The following ABCB5 variants were observed in gnomAD, a reference collection of about 807,000 sequenced individuals.
The protein encoded by ABCB5 is ATP binding cassette subfamily B member 5.
In ABCB5, 155 loss-of-function variants were observed where a neutral mutation model predicts 144.2. The ratio of observed to expected loss-of-function variants is 1.08; its 90% confidence interval spans 0.94 to 1.23. The LOEUF (loss-of-function observed/expected upper bound fraction) is 1.23. ABCB5 is among the 50% of genes most tolerant of loss of function. The pLI, the probability that ABCB5 is intolerant of heterozygous loss-of-function variation, is 0.00. For synonymous variants in ABCB5, 610 were observed against 528.6 expected (o/e 1.15, Z -2.11); for missense variants, 1,830 against 1,520.8 (o/e 1.20, Z -3.38).
chr7:20,636,580 T>C (rs1330629745), intron 5 of ABCB5, among the ~76,000 whole-genome samples: 1 of 151,922 alleles, frequency 6.6e-6, no homozygotes, highest in Non-Finnish European at 1.5e-5. Context: ...AGGTCAGGAA[T>C]TCAAGACCAT....
At chr7:20,682,137 G>A (rs959533497) in intron 15 of ABCB5, among the ~76,000 whole-genome samples, 2 of 151,996 alleles carry the variant, frequency 1.3e-5, no homozygotes, top group Admixed American at 6.6e-5. Context: ...CTAGGGAGTC[G>A]GAGGTTGCAG....
intron 24 of ABCB5, 120 bp downstream of exon 24, chr7:20,739,259 C>T (rs1782488019): frequency 9.9e-7 from 1 of 1,007,118 alleles, no homozygotes; most frequent in South Asian, 2.2e-5. Flanking sequence ...GGGTGCTATA[C>T]TCAGTACCTG....
At chr7:20,628,575 T>C in intron 3 of ABCB5, 113 bp from the exon 4 acceptor site, 2 of 1,051,282 alleles carry the variant, frequency 1.9e-6, no homozygotes, top group Non-Finnish European at 2.7e-6. Flanking sequence ...TCTTAATGTA[T>C]AAAGTCATGT....
In ABCB5 at chr7:20,668,501, A is replaced by G. The variant is rs1785304653; in HGVS notation, c.1707+9825A>G. ...CTCTGCCTGGCAACCGCCCCGTCTG[A>G]GAAGTGAGGAGCCCCTCCGTCCGGC... On this transcript the variant is annotated intron_variant, in intron 14 of 27. Transcript: ENST00000404938. Among the ~76,000 whole-genome samples the G allele has an allele frequency of 2.0e-5, 3 of 150,500 alleles. No homozygotes were observed. The South Asian group carries it at 6.4e-4, about 32-fold the overall frequency.
intron 15 of ABCB5, among the ~76,000 whole-genome samples, chr7:20,684,692 T>C (rs759494261): frequency 9.9e-5 from 15 of 152,216 alleles, no homozygotes; most frequent in South Asian, 6.2e-4. Context: ...GAGAAAATGA[T>C]AGCAAAAAGG....
intron 13 of ABCB5, among the ~76,000 whole-genome samples, chr7:20,654,992 C>T (rs1784725766): frequency 6.7e-6 from 1 of 148,824 alleles, no homozygotes; most frequent in South Asian, 2.1e-4. Flanking sequence ...ATCAGTAAAA[C>T]CAAAAACTGA....
chr7:20,691,537 A>C (rs1176166989), intron 16 of ABCB5, among the ~76,000 whole-genome samples: 1 of 151,746 alleles, frequency 6.6e-6, no homozygotes, highest in Non-Finnish European at 1.5e-5. Flanking sequence ...AGGGCCAGGA[A>C]AAGTTCTTAT....
At chr7:20,651,802 A>G in intron 13 of ABCB5, 179 bp downstream of exon 13, 1 of 598,076 alleles carries the variant, frequency 1.7e-6, no homozygotes, top group Non-Finnish European at 2.9e-6. Context: ...GGTCCAACAC[A>G]AATTTGTAAA....
At position 20,658,694 on chromosome 7, in the gene ABCB5, T is replaced by C. The variant is rs555229982; in HGVS notation, c.1707+18T>C. 25 of 1,611,746 alleles carry C rather than the reference T, an allele frequency of 1.6e-5. No homozygotes were observed. In the East Asian group the frequency reaches 4.7e-4, roughly 30 times the overall value. ...TGGAGAAGGTAAGTGAGCAGAAACG[T>C]TTCTTATTTCCATACTCCTGGTTCA... On this transcript the variant is annotated intron_variant, in intron 14 of 27. Transcript: ENST00000404938.
intron 16 of ABCB5, among the ~76,000 whole-genome samples, chr7:20,688,361 T>C (rs1371860294): frequency 6.6e-6 from 1 of 152,150 alleles, no homozygotes; most frequent in Non-Finnish European, 1.5e-5. Context: ...TTTAGTATAA[T>C]GAATCATTAA....
chr7:20,648,169 T>A (rs373172588), intron 11 of ABCB5, 91 bp downstream of exon 11: 18 of 806,772 alleles, frequency 2.2e-5, no homozygotes, highest in East Asian at 1.9e-4. Flanking sequence ...TTAGGATCAC[T>A]TTTTTCCAAG....
chr7:20,642,902 T>G (rs1345054106), intron 5 of ABCB5, among the ~76,000 whole-genome samples: 1 of 152,186 alleles, frequency 6.6e-6, no homozygotes, highest in African/African-American at 2.4e-5. Flanking sequence ...TCAATGGAAC[T>G]TTTTCATATG....
chr7:20,649,541 G>C (rs550500199), intron 11 of ABCB5, among the ~76,000 whole-genome samples: 6 of 152,244 alleles, frequency 3.9e-5, no homozygotes, highest in Admixed American at 1.3e-4. Flanking sequence ...AGCCCACCAA[G>C]GTTTCTAATG....
At chr7:20,673,439 T>A (rs1216665570) in intron 14 of ABCB5, among the ~76,000 whole-genome samples, 1 of 152,066 alleles carries the variant, frequency 6.6e-6, no homozygotes, top group Non-Finnish European at 1.5e-5. Flanking sequence ...ATTTTAGAAC[T>A]GTGTTATTAC....
chr7:20,656,920 T>C (rs935334699), intron 13 of ABCB5, among the ~76,000 whole-genome samples: 3 of 146,306 alleles, frequency 2.1e-5, no homozygotes, highest in Non-Finnish European at 4.5e-5. Context: ...TTCTTTTTTT[T>C]TTTTTTTTTT....
chr7:20,632,479 C>T (rs1413408862), intron 5 of ABCB5, among the ~76,000 whole-genome samples: 14 of 152,002 alleles, frequency 9.2e-5, no homozygotes, highest in Admixed American at 7.2e-4. Flanking sequence ...ATTCTATTTC[C>T]TTACCATTTG....
intron 13 of ABCB5, 44 bp downstream of exon 13, chr7:20,651,667 C>G: frequency 1.3e-6 from 2 of 1,576,828 alleles, no homozygotes; most frequent in Non-Finnish European, 8.7e-7. Flanking sequence ...ATGGTGGCAG[C>G]GCTGCGACAT....
rs369069412 is a variant in ABCB5 at position 20,711,610 on chromosome 7, T to TGCCACC, written c.2421+6804_2421+6809dup. 1.2e-3 allele frequency among the ~76,000 whole-genome samples: 174 copies of TGCCACC among 148,208 alleles called. 6 individuals are homozygous for TGCCACC. Among genetic ancestry groups the TGCCACC allele is most frequent in the African/African-American group, 3.9e-3 (155 of 39,988 alleles). On this transcript the variant is annotated intron_variant, in intron 20 of 27. Transcript: ENST00000404938. ...CTGAGTAGCTGGGACTCTGGGCACA[T>TGCCACC]GCCACCATGTCCAGTTAATTGTTTG... is the stretch of plus-strand genomic sequence containing the variant.
chr7:20,715,465 C>A (rs1781641966), intron 20 of ABCB5, among the ~76,000 whole-genome samples: 1 of 152,076 alleles, frequency 6.6e-6, no homozygotes, highest in Admixed American at 6.5e-5. Flanking sequence ...AGTTAGAGTG[C>A]AGTTGCATGA....
Sources: allele counts gnomAD v4.1 joint callset (sites outside exome capture counted in the v4.1 genomes callset), GRCh38; gene constraint gnomAD v4.1.1; transcripts MANE v1.5; gene names NCBI Gene and HGNC (gene_info 2026-07-23, HGNC 2026-07-21).